OPCML: variants seen among roughly 807,000 people sequenced by gnomAD.
The protein encoded by OPCML is opioid binding protein/cell adhesion molecule like.
OPCML carries 13 observed loss-of-function variants against 37.8 expected under a neutral mutation model. The observed-to-expected ratio is 0.34, with a 90% CI of 0.22 to 0.55. The LOEUF (loss-of-function observed/expected upper bound fraction) is 0.55, where lower values mean the gene tolerates loss of function less well. Among genes scored for constraint, OPCML ranks in the 20% least tolerant of loss-of-function variants. The probability of loss-of-function intolerance (pLI) is 0.91; values close to 1 mark genes in which losing one functional copy is unlikely to be tolerated. For missense variants in OPCML, 341 were observed against 435.6 expected, an observed-to-expected ratio of 0.78 and a Z score of 1.93; for synonymous variants, 176 against 168.8, an observed-to-expected ratio of 1.04 and a Z score of -0.33.
At chr11:132,751,676 G>A (rs554971094) in intron 2 of OPCML, among the ~76,000 whole-genome samples, 1 of 152,302 alleles carries the variant, frequency 6.6e-6, no homozygotes, top group Non-Finnish European at 1.5e-5. Context: ...ACTTGGCCAA[G>A]GTCAGGGAGC....
At chr11:133,058,768 C>T (rs1948287630) in intron 1 of OPCML, among the ~76,000 whole-genome samples, 1 of 152,218 alleles carries the variant, frequency 6.6e-6, no homozygotes, top group African/African-American at 2.4e-5. Context: ...TTAACATCAA[C>T]TGCTGAGAGT....
chr11:133,294,013 G>T (rs1049262368), intron 1 of OPCML, among the ~76,000 whole-genome samples: 1 of 151,824 alleles, frequency 6.6e-6, no homozygotes, highest in African/African-American at 2.4e-5. Context: ...TAGTAGCACA[G>T]CTGGATCTTC....
intron 2 of OPCML, among the ~76,000 whole-genome samples, chr11:132,673,316 T>A (rs554313921): frequency 1.3e-5 from 2 of 152,202 alleles, no homozygotes; most frequent in South Asian, 4.1e-4. Flanking sequence ...ATGATCGTGA[T>A]GGTGGTGCAA....
intron 2 of OPCML, among the ~76,000 whole-genome samples, chr11:132,906,113 G>C (rs1341719474): frequency 6.6e-6 from 1 of 151,984 alleles, no homozygotes. Context: ...GCTGCCTTTC[G>C]ACATTCTCTT....
intron 3 of OPCML, among the ~76,000 whole-genome samples, chr11:132,632,337 T>C (rs973368851): frequency 1.3e-5 from 2 of 151,082 alleles, no homozygotes; most frequent in African/African-American, 4.9e-5. Flanking sequence ...TTAAATAATA[T>C]TATGATTTAA....
At chr11:133,361,914 C>A (rs1234508321) in intron 1 of OPCML, 1 of 152,314 alleles carries the variant, frequency 6.6e-6, no homozygotes, top group Non-Finnish European at 1.5e-5. Flanking sequence ...ACCCGACAAA[C>A]CTTTGCAGCG....
In OPCML at chr11:133,140,985, A is replaced by AGACGAAGAC. The variant is rs1565468860; in HGVS notation, c.62-197976_62-197975insGTCTTCGTC. Among the ~76,000 whole-genome samples, 3 of 3,718 alleles carry AGACGAAGAC rather than the reference A, an allele frequency of 8.1e-4. 1 individual carries two copies. The highest frequency in any genetic ancestry group is 1.5e-3 in the African/African-American group (3 of 2,014). 2.4% of individuals were successfully genotyped at this position (3,718 alleles called of 152,430 possible). A position where few individuals can be genotyped will look rare whatever the true frequency, so the allele number is the denominator to read the frequency against. On this transcript the variant is annotated intron_variant, in intron 1 of 7. Coordinates refer to ENST00000524381, the MANE Select transcript of OPCML (RefSeq NM_001012393.5). ...AAGAAGAAGAAGAAGAAGAAGAAGA[A>AGACGAAGAC]GAAGAAGAAGAAGACGACGACGACG...
chr11:133,499,851 T>TACAC (rs1947871646), intron 1 of OPCML, among the ~76,000 whole-genome samples: 2 of 131,362 alleles, frequency 1.5e-5, no homozygotes, highest in African/African-American at 6.5e-5. Flanking sequence ...TATATATATA[T>TACAC]ACATACACAT....
chr11:132,929,965 G>T (rs1408127994), intron 2 of OPCML, among the ~76,000 whole-genome samples: 18 of 152,136 alleles, frequency 1.2e-4, no homozygotes, highest in Admixed American at 1.2e-3. Context: ...CATACTAAAT[G>T]AGAAAAGATG....
At chr11:133,141,605 C>A (rs988547119) in intron 1 of OPCML, among the ~76,000 whole-genome samples, 2 of 152,100 alleles carry the variant, frequency 1.3e-5, no homozygotes, top group South Asian at 4.1e-4. Context: ...TATTGAATCT[C>A]ACCTTTCTCC....
intron 1 of OPCML, among the ~76,000 whole-genome samples, chr11:133,335,564 C>G (rs185806439): frequency 6.5e-4 from 99 of 152,172 alleles, no homozygotes; most frequent in African/African-American, 2.3e-3. Context: ...CATCCTCAGC[C>G]TCCCTAAAAT....
chr11:133,114,850 A>C (rs1949307661), intron 1 of OPCML, among the ~76,000 whole-genome samples: 1 of 152,320 alleles, frequency 6.6e-6, no homozygotes, highest in Non-Finnish European at 1.5e-5. Flanking sequence ...TTTGAGTAAA[A>C]AATGAAAGAG....
At chr11:133,137,194 T>C (rs933263312) in intron 1 of OPCML, among the ~76,000 whole-genome samples, 13 of 152,146 alleles carry the variant, frequency 8.5e-5, no homozygotes, top group African/African-American at 2.9e-4. Context: ...AAAACTCTTC[T>C]AAGTGTGTGT....
chr11:132,987,609 C>A (rs1179317540), intron 1 of OPCML, among the ~76,000 whole-genome samples: 1 of 152,094 alleles, frequency 6.6e-6, no homozygotes, highest in Non-Finnish European at 1.5e-5. Flanking sequence ...CTACTCTAAC[C>A]ACAGTTGGAG....
At chr11:132,492,638 G>A (rs905901762) in intron 4 of OPCML, among the ~76,000 whole-genome samples, 2 of 152,144 alleles carry the variant, frequency 1.3e-5, no homozygotes, top group African/African-American at 4.8e-5. Flanking sequence ...TTGGCTTCCT[G>A]TAGATAAATC....
chr11:133,178,257 G>T (rs2136280940), intron 1 of OPCML, among the ~76,000 whole-genome samples: 1 of 152,162 alleles, frequency 6.6e-6, no homozygotes, highest in East Asian at 1.9e-4. Context: ...CTCTGCTCAT[G>T]GTTCAGGCAA....
At chr11:133,356,402 G>T (rs373691914) in intron 1 of OPCML, among the ~76,000 whole-genome samples, 38 of 152,250 alleles carry the variant, frequency 2.5e-4, no homozygotes, top group South Asian at 6.2e-4. Flanking sequence ...TAGAAGAAAT[G>T]AGCTGGAGTT....
chr11:133,043,865 A>G (rs557500500), intron 1 of OPCML, among the ~76,000 whole-genome samples: 1 of 152,366 alleles, frequency 6.6e-6, no homozygotes, highest in South Asian at 2.1e-4. Flanking sequence ...GAGGGAATTC[A>G]TCTGTTGACA....
At chr11:132,578,444 C>A (rs1210791665) in intron 3 of OPCML, among the ~76,000 whole-genome samples, 3 of 152,060 alleles carry the variant, frequency 2.0e-5, no homozygotes, top group Admixed American at 2.0e-4. Context: ...AAAAAATAAC[C>A]CTTGGTTCCT....
Sources: allele counts gnomAD v4.1 joint callset (sites outside exome capture counted in the v4.1 genomes callset), GRCh38; gene constraint gnomAD v4.1.1; transcripts MANE v1.5; gene names NCBI Gene and HGNC (gene_info 2026-07-23, HGNC 2026-07-21).